Variants in ZFPM2 observed in about 807,000 individuals in gnomAD.
ZFPM2 encodes the protein zinc finger protein, FOG family member 2, also known as zinc finger protein ZFPM2.
ZFPM2 carries 20 observed loss-of-function variants against 98.6 expected under a neutral mutation model. The ratio of observed to expected loss-of-function variants is 0.20; its 90% CI spans 0.14 to 0.29. The LOEUF (loss-of-function observed/expected upper bound fraction) is 0.29, where lower values mean the gene tolerates loss of function less well. Ranked by LOEUF, ZFPM2 falls within the 10% of genes least tolerant of loss-of-function variation. The pLI is 1.00. For synonymous variants in ZFPM2, 518 were observed against 502.7 expected, an observed-to-expected ratio of 1.03 and a Z score of -0.41; for missense variants, 1,310 against 1,388.6, an observed-to-expected ratio of 0.94 and a Z score of 0.90.
intron 4 of ZFPM2, among the ~76,000 whole-genome samples, chr8:105,587,926 C>T (rs767143494): frequency 1.3e-5 from 2 of 152,000 alleles, no homozygotes; most frequent in Non-Finnish European, 2.9e-5. Flanking sequence ...AGCAAAATTG[C>T]CCCTAGCTGA....
chr8:105,635,357 T>A (rs1446894219), intron 5 of ZFPM2, among the ~76,000 whole-genome samples: 1 of 152,104 alleles, frequency 6.6e-6, no homozygotes, highest in African/African-American at 2.4e-5. Context: ...AATTACAACT[T>A]GTTCTATAAT....
At chr8:105,673,865 C>A (rs1207464997) in intron 5 of ZFPM2, among the ~76,000 whole-genome samples, 1 of 152,116 alleles carries the variant, frequency 6.6e-6, no homozygotes, top group Non-Finnish European at 1.5e-5. Context: ...GGGAAACTGG[C>A]TGGATGAATT....
chr8:105,386,884 A>C (rs1811002135), intron 1 of ZFPM2, among the ~76,000 whole-genome samples: 1 of 152,172 alleles, frequency 6.6e-6, no homozygotes, highest in African/African-American at 2.4e-5. Context: ...GATTAGCTAG[A>C]TACAGAGTGT....
chr8:105,361,608 TA>T (rs1812863302), intron 1 of ZFPM2, among the ~76,000 whole-genome samples: 1 of 152,208 alleles, frequency 6.6e-6, no homozygotes, highest in Admixed American at 6.5e-5. Context: ...TAACATCACC[TA>T]AATAATACTA....
At chr8:105,380,389 G>T (rs532773979) in intron 1 of ZFPM2, among the ~76,000 whole-genome samples, 1 of 150,422 alleles carries the variant, frequency 6.6e-6, no homozygotes, top group Non-Finnish European at 1.5e-5. Context: ...AGAAAGGCAG[G>T]TGCTGATATT....
intron 4 of ZFPM2, among the ~76,000 whole-genome samples, chr8:105,569,697 A>G (rs1391279922): frequency 6.6e-6 from 1 of 152,144 alleles, no homozygotes; most frequent in Non-Finnish European, 1.5e-5. Flanking sequence ...TTTGTTTACA[A>G]CAGACTCAGT....
intron 5 of ZFPM2, among the ~76,000 whole-genome samples, chr8:105,729,501 A>C (rs1292053716): frequency 6.6e-6 from 1 of 151,710 alleles, no homozygotes; most frequent in East Asian, 1.9e-4. Context: ...TAGACATTTT[A>C]GTAAACCATC....
intron 1 of ZFPM2, among the ~76,000 whole-genome samples, chr8:105,370,908 G>T (rs1449991539): frequency 1.3e-5 from 2 of 152,192 alleles, no homozygotes; most frequent in Non-Finnish European, 2.9e-5. Flanking sequence ...GTGTTGTGCT[G>T]TGTGTACACA....
intron 5 of ZFPM2, among the ~76,000 whole-genome samples, chr8:105,634,671 T>C (rs1189205892): frequency 6.6e-6 from 1 of 152,146 alleles, no homozygotes; most frequent in Non-Finnish European, 1.5e-5. Context: ...TTGACGAAAC[T>C]CCAATTTCTC....
At chr8:105,562,857 G>A (rs997972775) in intron 4 of ZFPM2, among the ~76,000 whole-genome samples, 44 of 152,128 alleles carry the variant, frequency 2.9e-4, no homozygotes, top group African/African-American at 1.1e-3. Context: ...AGGAATGTTC[G>A]CAAGTTCTAG....
chr8:105,692,341 G>T (rs952105855), intron 5 of ZFPM2, among the ~76,000 whole-genome samples: 3 of 152,154 alleles, frequency 2.0e-5, no homozygotes, highest in African/African-American at 7.2e-5. Flanking sequence ...TGTTCATATA[G>T]TGGATTATGC....
intron 3 of ZFPM2, among the ~76,000 whole-genome samples, chr8:105,470,830 G>GTTAA (rs201780482): frequency 0.019 from 2,954 of 151,728 alleles, 90 homozygotes; most frequent in African/African-American, 0.068. Flanking sequence ...GATGATATTA[G>GTTAA]TTATTTATGT....
At chr8:105,557,015 T>C (rs1371112819) in intron 3 of ZFPM2, among the ~76,000 whole-genome samples, 1 of 152,236 alleles carries the variant, frequency 6.6e-6, no homozygotes, top group East Asian at 1.9e-4. Flanking sequence ...TGAGCCACCA[T>C]GTCTGGCCTC....
chr8:105,730,946 G>A (rs1811920392), intron 5 of ZFPM2, among the ~76,000 whole-genome samples: 1 of 151,492 alleles, frequency 6.6e-6, no homozygotes, highest in South Asian at 2.1e-4. Context: ...GAGGGTTAAG[G>A]ACTCACAGTC....
chr8:105,750,986 C>G (rs1409409749), intron 5 of ZFPM2, among the ~76,000 whole-genome samples: 1 of 152,062 alleles, frequency 6.6e-6, no homozygotes, highest in Non-Finnish European at 1.5e-5. Context: ...ACTGAATTAT[C>G]ATTTCAGTAT....
intron 4 of ZFPM2, among the ~76,000 whole-genome samples, chr8:105,625,203 T>C (rs1380902754): frequency 6.6e-6 from 1 of 152,220 alleles, no homozygotes; most frequent in Non-Finnish European, 1.5e-5. Flanking sequence ...AGGAGTATTC[T>C]TAATATCATT....
intron 4 of ZFPM2, among the ~76,000 whole-genome samples, chr8:105,621,340 T>G (rs1816540293): frequency 6.6e-6 from 1 of 152,190 alleles, no homozygotes; most frequent in Non-Finnish European, 1.5e-5. Flanking sequence ...CTGTTATTAG[T>G]GTATAGGAAT....
intron 3 of ZFPM2, among the ~76,000 whole-genome samples, chr8:105,550,854 G>A (rs1459768089): frequency 3.3e-5 from 5 of 152,164 alleles, no homozygotes; most frequent in Non-Finnish European, 4.4e-5. Flanking sequence ...GACTGAGTAT[G>A]TACTGCACTG....
At chr8:105,782,158 A>G (rs1813270356) in intron 5 of ZFPM2, among the ~76,000 whole-genome samples, 1 of 152,222 alleles carries the variant, frequency 6.6e-6, no homozygotes. Flanking sequence ...ATTCATGCAA[A>G]GCTTTTAGCA....
Sources: allele counts gnomAD v4.1 joint callset (sites outside exome capture counted in the v4.1 genomes callset), GRCh38; gene constraint gnomAD v4.1.1; transcripts MANE v1.5; gene names NCBI Gene and HGNC (gene_info 2026-07-23, HGNC 2026-07-21).